Variants in ZNF853 observed in about 807,000 individuals in gnomAD.
The protein encoded by ZNF853 is zinc finger protein 853.
ZNF853 carries 57 observed loss-of-function variants against 94.7 expected under a neutral mutation model. The observed-to-expected ratio is 0.60, with a 90% confidence interval of 0.49 to 0.75. ZNF853 has a LOEUF of 0.75. ZNF853 is among the 30% of genes least tolerant of loss of function. The pLI is 0.00. For synonymous variants in ZNF853, 448 were observed against 406.3 expected, an observed-to-expected ratio of 1.10 and a Z score of -1.23; for missense variants, 785 against 868.9, an observed-to-expected ratio of 0.90 and a Z score of 1.21.
At chr7:6,618,409 C>A in intron 2 of ZNF853, among the ~76,000 whole-genome samples, 2 of 151,700 alleles carry the variant, frequency 1.3e-5, no homozygotes, top group African/African-American at 4.8e-5. Flanking sequence ...ACTAAAATGC[C>A]TTTGTTAAAA....
Position 6,621,181 on chromosome 7 carries a change from C to T in ZNF853, c.190C>T (p.Pro64Ser). The T allele has an allele frequency of 6.7e-7, 1 of 1,503,188 alleles. No individual in the cohort carries two copies. The highest frequency in any genetic ancestry group is 8.9e-7 in the Non-Finnish European group (1 of 1,124,558). 93.1% of individuals were successfully genotyped at this position (1,503,188 alleles called of 1,614,324 possible). The part of the protein sequence containing the change: ...EEEPQERNSS[P>S]QRPAVSAPVG... ...AGAGCCTCAGGAGAGGAACAGCAGT[C>T]CACAGCGGCCAGCAGTCTCGGCCCC... Residue 64 changes from proline (P) to serine (S), a missense_variant, in exon 3 of 3, where the codon CCA becomes TCA. Physicochemically the swap from Pro to Ser is moderately conservative, Grantham distance 74. Coordinates refer to ENST00000457543, the MANE Select transcript of ZNF853 (RefSeq NM_017560.3).
At position 6,622,675 on chromosome 7, in the gene ZNF853, A is replaced by ACGCACAC; in HGVS notation, c.1687_1693dup (p.Gly565AlafsTer117). 2 of 1,579,164 alleles carry ACGCACAC rather than the reference A, an allele frequency of 1.3e-6. No homozygotes were observed. Among genetic ancestry groups the ACGCACAC allele is most frequent in the Non-Finnish European group, 1.7e-6 (2 of 1,163,976 alleles). ...CTCGGCGCTCGTGCAGCACCAGCGCACGCACACCGGGGAGCGACCCTACGC... is the reference window on the plus strand; with the variant it reads ...CTCGGCGCTCGTGCAGCACCAGCGCACGCACACCGCACACCGGGGAGCGACCCTACGC... On this transcript the variant is annotated frameshift_variant, in exon 3 of 3. Transcript: ENST00000457543. LOFTEE classifies it high-confidence loss of function.
At chr7:6,617,137 C>T in intron 1 of ZNF853, 53 bp from the exon 2 acceptor site, 105 of 1,431,068 alleles carry the variant, frequency 7.3e-5, no homozygotes, top group East Asian at 1.3e-4. Flanking sequence ...GGGCACCTGG[C>T]GGGGGTCAAA....
At position 6,622,109 on chromosome 7, in the gene ZNF853, A is replaced by G. The variant is rs1283374016; in HGVS notation, c.1118A>G (p.Glu373Gly). 6 of 1,534,050 alleles carry G rather than the reference A, an allele frequency of 3.9e-6. No homozygotes were observed. The highest frequency in any genetic ancestry group is 5.3e-6 in the Non-Finnish European group (6 of 1,139,006). The change falls in exon 3 of 3, where the codon GAG becomes GGG. Residue 373 changes from glutamate to glycine, a missense_variant. Physicochemically the swap from Glu to Gly is moderately conservative, Grantham distance 98. Transcript: ENST00000457543. The stretch of plus-strand genomic sequence containing the variant: ...CTGCAGCAGCTGGAGCAACAGCTGG[A>G]GCAGCAGCAGCAGCAGCTGGAGCAG... Reference protein sequence around the residue: ...EELQQLEQQLEQQQQQLEQQE... With the variant: ...EELQQLEQQLGQQQQQLEQQE...
Position 6,617,381 on chromosome 7 carries a change from GGGCA to G in ZNF853, c.130+76_130+79del. The G allele has an allele frequency of 3.3e-6, 4 of 1,225,628 alleles. No homozygotes were observed. The Admixed American group carries it at 9.0e-5, about 28-fold the overall frequency. The allele number at this position is 1,225,628 out of a possible 1,614,324, so 75.9% of individuals were successfully genotyped here. ...TGGCAGAAAGAGGCTCAAGGGTGGC[GGGCA>G]GCCTGCACAGACTCACACCAGCCAA... On this transcript the variant is annotated intron_variant, in intron 2 of 2. Transcript: ENST00000457543.
chr7:6,622,846 C>G lies in ZNF853; in HGVS notation c.1855C>G (p.Leu619Val). The change falls in exon 3 of 3, where the codon CTG becomes GTG. Residue 619 changes from leucine (L) to valine (V), a missense_variant. Leu to Val is a conservative substitution (Grantham distance 32). Transcript: ENST00000457543. The part of the protein sequence containing the change: ...KVQIRRHERQ[L>V]HGAGRSRGLG... ...GCAGATCCGCCGCCACGAGCGCCAG[C>G]TGCACGGCGCGGGCCGCTCCAGGGG... The G allele has an allele frequency of 6.6e-7, 1 of 1,510,534 alleles. No homozygotes were observed. Among genetic ancestry groups the G allele is most frequent in the South Asian group, 1.2e-5 (1 of 81,848 alleles). The allele number at this position is 1,510,534 out of a possible 1,614,324, so 93.6% of individuals were successfully genotyped here.
At chr7:6,616,367 T>C in intron 1 of ZNF853, among the ~76,000 whole-genome samples, 181 bp downstream of exon 1, 1 of 152,050 alleles carries the variant, frequency 6.6e-6, no homozygotes, top group Non-Finnish European at 1.5e-5. Context: ...TCTGGACACC[T>C]GCCTTGCCCG....
chr7:6,618,381 A>G, intron 2 of ZNF853, among the ~76,000 whole-genome samples: 2 of 151,950 alleles, frequency 1.3e-5, no homozygotes, highest in African/African-American at 4.8e-5. Flanking sequence ...ACGTCAGACA[A>G]CACTGGACTA....
At chr7:6,619,339 T>G in intron 2 of ZNF853, among the ~76,000 whole-genome samples, 1 of 152,120 alleles carries the variant, frequency 6.6e-6, no homozygotes, top group Non-Finnish European at 1.5e-5. Flanking sequence ...TGGCGTGATC[T>G]CAGCTCACTG....
intron 2 of ZNF853, among the ~76,000 whole-genome samples, chr7:6,620,773 C>A: frequency 6.6e-6 from 1 of 152,154 alleles, no homozygotes. Context: ...AGGCACCTGG[C>A]AGCTAATTTT....
In ZNF853 at chr7:6,623,011, C is replaced by G; in HGVS notation, c.*40C>G. 8.1e-7 allele frequency: 1 copy of G among 1,237,858 alleles called. No homozygotes were observed. The highest frequency in any genetic ancestry group is 1.0e-6 in the Non-Finnish European group (1 of 991,546). The allele number at this position is 1,237,858 out of a possible 1,614,324, so 76.7% of individuals were successfully genotyped here. On this transcript the variant is annotated 3_prime_UTR_variant, in exon 3 of 3. Coordinates refer to ENST00000457543, the MANE Select transcript of ZNF853 (RefSeq NM_017560.3). ...GCTGCCTGGCCGGGAGGGGACCCCC[C>G]ACCCGCCTCCACCTGAAAAGCTCCT...
At position 6,621,168 on chromosome 7, in the gene ZNF853, G is replaced by A; in HGVS notation, c.177G>A (p.Glu59=). ...GTCAGGAGGAGGAAGAGCCTCAGGA[G>A]AGGAACAGCAGTCCACAGCGGCCAG... ...SESQEEEEPQ[E]RNSSPQRPAV... The change falls in exon 3 of 3, where the codon GAG becomes GAA. Residue 59 remains glutamate, a synonymous_variant. Transcript: ENST00000457543. 6 of 1,480,244 alleles carry A rather than the reference G, an allele frequency of 4.1e-6. No individual in the cohort carries two copies. Among genetic ancestry groups the A allele is most frequent in the Non-Finnish European group, 5.4e-6 (6 of 1,114,774 alleles). 91.7% of individuals were successfully genotyped at this position (1,480,244 alleles called of 1,614,324 possible).
intron 1 of ZNF853, among the ~76,000 whole-genome samples, chr7:6,616,499 GGAGGCCGAGGCAGGAGGATCGCCT>G: frequency 6.6e-6 from 1 of 152,200 alleles, no homozygotes; most frequent in African/African-American, 2.4e-5. Flanking sequence ...CAACACTTTA[GGAGGCCGAGGCAGGAGGATCGCCT>G]GAGGCCAGGA....
Position 6,621,453 on chromosome 7 carries a change from C to T in ZNF853, c.462C>T (p.His154=), listed in dbSNP as rs946107310. The T allele has an allele frequency of 6.4e-7, 1 of 1,551,762 alleles. No homozygotes were observed. Among genetic ancestry groups the T allele is most frequent in the Non-Finnish European group, 8.7e-7 (1 of 1,147,006 alleles). Residue 154 remains histidine (H), a synonymous_variant, in exon 3 of 3, where the codon CAC becomes CAT. Coordinates refer to ENST00000457543, the MANE Select transcript of ZNF853 (RefSeq NM_017560.3). ...QELKPELQLM[H]QQQQLQPQQV... is the part of the protein sequence containing the mutation. ...TGAAACCAGAACTGCAGCTAATGCACCAGCAGCAACAGTTACAGCCACAGC... is the reference window on the plus strand; with the variant it reads ...TGAAACCAGAACTGCAGCTAATGCATCAGCAGCAACAGTTACAGCCACAGC...
Position 6,622,474 on chromosome 7 carries a change from A to C in ZNF853, c.1483A>C (p.Ser495Arg), listed in dbSNP as rs2115291067. ...CTGCGGGGAGTGCGGCAAGGGCTTC[A>C]GCCGCAGCACGGACCTGGTGCGCCA... is the stretch of plus-strand genomic sequence containing the variant. ...TICGECGKGF[S>R]RSTDLVRHQA... Residue 495 changes from serine (S) to arginine (R), a missense_variant, in exon 3 of 3, where the codon AGC (serine) becomes CGC (arginine). By Grantham distance (110) the Ser-to-Arg change is moderately radical. Coordinates refer to ENST00000457543, the MANE Select transcript of ZNF853 (RefSeq NM_017560.3). 6.5e-7 allele frequency: 1 copy of C among 1,531,148 alleles called. No homozygotes were observed. The highest frequency in any genetic ancestry group is 8.8e-7 in the Non-Finnish European group (1 of 1,140,676). 94.8% of individuals were successfully genotyped at this position (1,531,148 alleles called of 1,614,324 possible).
chr7:6,622,786 T>TGCGAGGACTGTG lies in ZNF853; in HGVS notation c.1801_1812dup (p.Asp601_Glu604dup). The TGCGAGGACTGTG allele has an allele frequency of 6.5e-7, 1 of 1,539,008 alleles. No homozygotes were observed. The highest frequency in any genetic ancestry group is 8.7e-7 in the Non-Finnish European group (1 of 1,146,296). Reference sequence around the variant, plus strand: ...GCACTCGGGCGAGCGGCCCTACGTGTGCGAGGACTGTGGCGAGCGCTTCCG... The same window carrying TGCGAGGACTGTG: ...GCACTCGGGCGAGCGGCCCTACGTGTGCGAGGACTGTGGCGAGGACTGTGGCGAGCGCTTCCG... On this transcript the variant is annotated inframe_insertion, in exon 3 of 3. Coordinates refer to ENST00000457543, the MANE Select transcript of ZNF853 (RefSeq NM_017560.3).
intron 2 of ZNF853, chr7:6,617,749 C>T: frequency 1.6e-6 from 1 of 608,472 alleles, no homozygotes; most frequent in Non-Finnish European, 2.1e-6. Flanking sequence ...TAACCTTTTC[C>T]ACTTTAGCTT....
Position 6,622,615 on chromosome 7 carries a change from G to A in ZNF853, c.1624G>A (p.Ala542Thr), listed in dbSNP as rs1375469845. ...CATCCACACGGGCGAGAAACCCTACGCCTGCTCCTACTGCGCCAAGCGCTT... is the reference window on the plus strand; with the variant it reads ...CATCCACACGGGCGAGAAACCCTACACCTGCTCCTACTGCGCCAAGCGCTT... Reference protein sequence around the residue: ...QRIHTGEKPYACSYCAKRFSE... With the variant: ...QRIHTGEKPYTCSYCAKRFSE... Residue 542 changes from alanine (A) to threonine (T), a missense_variant, in exon 3 of 3, where the codon GCC (alanine) becomes ACC (threonine). Coordinates refer to ENST00000457543, the MANE Select transcript of ZNF853 (RefSeq NM_017560.3). 3 of 1,581,854 alleles carry A rather than the reference G, an allele frequency of 1.9e-6. No homozygotes were observed. Among genetic ancestry groups the A allele is most frequent in the Non-Finnish European group, 8.6e-7 (1 of 1,165,042 alleles).
chr7:6,622,694 CCTA>C lies in ZNF853; in HGVS notation c.1705_1707del (p.Tyr569del). ...CAGCGCACGCACACCGGGGAGCGACCCTACGCCTGCGGGGACTGTGGCAAGCGC... is the reference window on the plus strand; with the variant it reads ...CAGCGCACGCACACCGGGGAGCGACCCGCCTGCGGGGACTGTGGCAAGCGC... On this transcript the variant is annotated inframe_deletion, in exon 3 of 3. Transcript: ENST00000457543. 1 of 1,576,274 alleles carries C rather than the reference CCTA, an allele frequency of 6.3e-7. No individual in the cohort carries two copies. The highest frequency in any genetic ancestry group is 8.6e-7 in the Non-Finnish European group (1 of 1,162,738).
Sources: gnomAD v4.1 joint callset for allele counts (sites outside exome capture counted in the v4.1 genomes callset) on GRCh38, gnomAD v4.1.1 for gene constraint, MANE v1.5 for transcripts, NCBI Gene and HGNC (gene_info 2026-07-23, HGNC 2026-07-21) for gene names.